The following DHRS12 variants were observed in gnomAD, a reference collection of about 807,000 sequenced individuals.
DHRS12 encodes dehydrogenase/reductase SDR family member 12.
In DHRS12, 29 loss-of-function variants were observed where a neutral mutation model predicts 32.1. That is an observed-to-expected ratio of 0.90 (90% confidence interval 0.67 to 1.23). The LOEUF is 1.23. Ranked by LOEUF, DHRS12 falls within the 50% of genes most tolerant of loss-of-function variation. DHRS12 has a pLI of 0.00. For missense variants in DHRS12, 330 were observed against 337.2 expected, an observed-to-expected ratio of 0.98 and a Z score of 0.17; for synonymous variants, 150 against 135.9, an observed-to-expected ratio of 1.10 and a Z score of -0.72.
chr13:51,776,453 C>T (rs541558697), intron 5 of DHRS12: 1 of 153,184 alleles, frequency 6.5e-6, no homozygotes, highest in East Asian at 1.9e-4. Flanking sequence ...TCCACCAAGC[C>T]CACCTGGATA....
At chr13:51,763,444 T>A, downstream of DHRS12, 1 of 152,270 alleles carries the variant, frequency 6.6e-6, no homozygotes, top group Admixed American at 6.5e-5. Flanking sequence ...TTGGCTGCGA[T>A]TCCCAGGCTT....
chr13:51,759,142 C>T, the DHRS12 span, among the ~76,000 whole-genome samples: 2 of 152,198 alleles, frequency 1.3e-5, no homozygotes, highest in East Asian at 1.9e-4. Flanking sequence ...GATTGTGCCA[C>T]TGTACTCCAG....
intron 4 of DHRS12, among the ~76,000 whole-genome samples, chr13:51,781,884 C>G (rs537400646): frequency 6.6e-6 from 1 of 152,162 alleles, no homozygotes; most frequent in Non-Finnish European, 1.5e-5. Context: ...ATGGAGGAAG[C>G]CTCTGTTCGG....
Position 51,804,088 on chromosome 13 carries a change from C to T in DHRS12, c.-43G>A. The stretch of plus-strand genomic sequence containing the variant: ...TCGCGCAGCCCCTTGGCGAACCACA[C>T]GACGCTGCGGTACAGGGACATGCCG... On this transcript the variant is annotated 5_prime_UTR_variant, in exon 1 of 9. The change creates a new upstream start codon in the 5' untranslated region. Coordinates refer to ENST00000444610, the MANE Select transcript of DHRS12 (RefSeq NM_001377533.1). 6.7e-7 allele frequency: 1 copy of T among 1,494,344 alleles called. No homozygotes were observed. Among genetic ancestry groups the T allele is most frequent in the Non-Finnish European group, 8.9e-7 (1 of 1,128,668 alleles). 92.6% of individuals were successfully genotyped at this position (1,494,344 alleles called of 1,614,324 possible).
At chr13:51,791,911 T>C (rs1413613614) in intron 2 of DHRS12, among the ~76,000 whole-genome samples, 3 of 152,270 alleles carry the variant, frequency 2.0e-5, no homozygotes, top group Non-Finnish European at 4.4e-5. Context: ...GGTTCATCCA[T>C]GTCGTTGCAG....
chr13:51,769,127 G>T (rs1455572412), intron 8 of DHRS12, 29 bp downstream of exon 8: 5 of 1,548,654 alleles, frequency 3.2e-6, no homozygotes, highest in Middle Eastern at 4.5e-4. Context: ...CCCTGTGTCA[G>T]CTGCCTTCAC....
intron 4 of DHRS12, 52 bp from the exon 5 acceptor site, chr13:51,777,173 A>T (rs980114046): frequency 6.2e-7 from 1 of 1,604,760 alleles, no homozygotes; most frequent in Admixed American, 1.7e-5. Flanking sequence ...CCCCAACTCA[A>T]GGGGTCCTGC....
intron 4 of DHRS12, among the ~76,000 whole-genome samples, chr13:51,779,195 C>T (rs1954586920): frequency 6.6e-6 from 1 of 152,166 alleles, no homozygotes. Context: ...CCAAACAGGC[C>T]TGTCATTAAC....
At chr13:51,781,802 A>C (rs1451909765) in intron 4 of DHRS12, among the ~76,000 whole-genome samples, 1 of 152,216 alleles carries the variant, frequency 6.6e-6, no homozygotes, top group African/African-American at 2.4e-5. Context: ...CACGCACCTC[A>C]TATGAAACCA....
the DHRS12 span, chr13:51,756,442 C>T: frequency 3.0e-5 from 49 of 1,613,880 alleles, no homozygotes; most frequent in Non-Finnish European, 4.2e-5. Flanking sequence ...ACAGCTGCCA[C>T]GAGGCCATCA....
At chr13:51,763,811 A>ATAAT (rs1366529976), downstream of DHRS12, 1 of 152,196 alleles carries the variant, frequency 6.6e-6, no homozygotes, top group Non-Finnish European at 1.5e-5. Context: ...AAACAAAAGT[A>ATAAT]TAATTTATTT....
In DHRS12 at chr13:51,804,079, C is replaced by T; in HGVS notation, c.-34G>A. ...TTGGTGTACTCGCGCAGCCCCTTGGCGAACCACACGACGCTGCGGTACAGG... is the reference window on the plus strand; with the variant it reads ...TTGGTGTACTCGCGCAGCCCCTTGGTGAACCACACGACGCTGCGGTACAGG... On this transcript the variant is annotated 5_prime_UTR_variant, in exon 1 of 9. Transcript: ENST00000444610. 2 of 1,493,148 alleles carry T rather than the reference C, an allele frequency of 1.3e-6. No homozygotes were observed. Among genetic ancestry groups the T allele is most frequent in the Non-Finnish European group, 1.8e-6 (2 of 1,128,274 alleles). 92.5% of individuals were successfully genotyped at this position (1,493,148 alleles called of 1,614,324 possible). A position where few individuals can be genotyped will look rare whatever the true frequency, so the allele number is the denominator to read the frequency against.
At position 51,786,840 on chromosome 13, in the gene DHRS12, C is replaced by T. The variant is rs1312646569; in HGVS notation, c.301+3171G>A. Among the ~76,000 whole-genome samples the T allele has an allele frequency of 3.3e-5, 5 of 152,288 alleles. No individual in the cohort carries two copies. In the East Asian group the frequency reaches 9.7e-4, roughly 29 times the overall value. Reference sequence around the variant, plus strand: ...TGGAGATTGCAAATGTTTCTGACAGCTCATGTGAATCTTAGAAAATAGAAA... The same window carrying T: ...TGGAGATTGCAAATGTTTCTGACAGTTCATGTGAATCTTAGAAAATAGAAA... On this transcript the variant is annotated intron_variant, in intron 4 of 8. Coordinates refer to ENST00000444610, the MANE Select transcript of DHRS12 (RefSeq NM_001377533.1).
chr13:51,769,343 G>T, intron 7 of DHRS12, 50 bp from the exon 8 acceptor site: 12 of 1,311,744 alleles, frequency 9.1e-6, no homozygotes, highest in South Asian at 1.6e-5. Context: ...TCCAGCAAAT[G>T]TGGTTGACTT....
chr13:51,771,096 A>T (rs1953987707), intron 7 of DHRS12: 2 of 1,457,296 alleles, frequency 1.4e-6, no homozygotes, highest in African/African-American at 2.8e-5. Context: ...CAGTTCCCTC[A>T]TCTGTAAATG....
intron 4 of DHRS12, among the ~76,000 whole-genome samples, chr13:51,781,617 G>A (rs1217380213): frequency 5.9e-5 from 9 of 152,194 alleles, no homozygotes; most frequent in Admixed American, 5.2e-4. Flanking sequence ...CTGGAGAAGA[G>A]GAGGGAACAG....
At chr13:51,759,597 TA>T in the DHRS12 span, 4 of 634,944 alleles carry the variant, frequency 6.3e-6, no homozygotes, top group Non-Finnish European at 7.8e-6. Context: ...ATGAAAAAAA[TA>T]TTTTACAGAT....
At chr13:51,787,290 A>T (rs1009041192) in intron 4 of DHRS12, among the ~76,000 whole-genome samples, 1 of 152,168 alleles carries the variant, frequency 6.6e-6, no homozygotes, top group Non-Finnish European at 1.5e-5. Context: ...GCCCCTTTAG[A>T]GTCTATCAAG....
intron 2 of DHRS12, among the ~76,000 whole-genome samples, chr13:51,792,265 T>C (rs913994647): frequency 1.3e-5 from 2 of 152,308 alleles, no homozygotes; most frequent in East Asian, 3.9e-4. Flanking sequence ...ACATTTTTTG[T>C]TTTTTGTTTT....
Sources: allele counts gnomAD v4.1 joint callset (sites outside exome capture counted in the v4.1 genomes callset), GRCh38; gene constraint gnomAD v4.1.1; transcripts MANE v1.5; gene names NCBI Gene and HGNC (gene_info 2026-07-23, HGNC 2026-07-21).